The following ROBO2 variants were observed in gnomAD, a reference collection of about 807,000 sequenced individuals.
ROBO2 encodes the protein roundabout guidance receptor 2, also known as roundabout homolog 2.
ROBO2 carries 53 observed loss-of-function variants against 160.8 expected under a neutral mutation model. The ratio of observed to expected loss-of-function variants is 0.33; its 90% CI spans 0.26 to 0.41. The LOEUF (loss-of-function observed/expected upper bound fraction) is 0.41, where lower values mean the gene tolerates loss of function less well. Ranked by LOEUF, ROBO2 falls within the 10% of genes least tolerant of loss-of-function variation. The probability of loss-of-function intolerance (pLI) is 1.00; values close to 1 mark genes in which losing one functional copy is unlikely to be tolerated. For synonymous variants in ROBO2, 664 were observed against 611.7 expected (o/e 1.09, Z -1.26); for missense variants, 1,577 against 1,722.4 (o/e 0.92, Z 1.49).
intron 1 of ROBO2, among the ~76,000 whole-genome samples, chr3:75,921,652 T>A (rs1395362386): frequency 6.6e-6 from 1 of 152,150 alleles, no homozygotes; most frequent in Non-Finnish European, 1.5e-5. Context: ...TCTATGCAGA[T>A]GTGCATGTAC....
At chr3:77,049,165 C>CA (rs1297670848) in intron 1 of ROBO2, among the ~76,000 whole-genome samples, 2 of 151,820 alleles carry the variant, frequency 1.3e-5, no homozygotes, top group South Asian at 2.1e-4. Flanking sequence ...CCTGTCTCTA[C>CA]AAAAAAGAAA....
intron 12 of ROBO2, among the ~76,000 whole-genome samples, chr3:77,566,945 T>A (rs544798915): frequency 2.0e-5 from 3 of 152,044 alleles, no homozygotes; most frequent in Non-Finnish European, 4.4e-5. Context: ...TCTAGAAATC[T>A]TTTATTTCAT....
At chr3:76,083,310 A>G (rs2068898012) in intron 2 of ROBO2, among the ~76,000 whole-genome samples, 1 of 152,148 alleles carries the variant, frequency 6.6e-6, no homozygotes. Flanking sequence ...AAATACTGCA[A>G]AGTTTAGAGC....
In ROBO2 at chr3:76,483,622, CT is replaced by C. The variant is rs2079328677; in HGVS notation, c.109+546022del. ...CTCTAATTCATTCAGGAAAAGAACG[CT>C]TGTGTCACAGAGGTTTGTTATACAG... On this transcript the variant is annotated intron_variant, in intron 2 of 26. Coordinates refer to the ROBO2 transcript ENST00000487694. Among the ~76,000 whole-genome samples, 3 of 152,228 alleles carry C rather than the reference CT, an allele frequency of 2.0e-5. No individual in the cohort carries two copies. The South Asian group carries it at 6.2e-4, about 32-fold the overall frequency.
intron 2 of ROBO2, among the ~76,000 whole-genome samples, chr3:76,457,799 A>T (rs1449646751): frequency 6.6e-6 from 1 of 152,118 alleles, no homozygotes; most frequent in Non-Finnish European, 1.5e-5. Flanking sequence ...CTGAGGCTCA[A>T]CACCACATGG....
intron 2 of ROBO2, among the ~76,000 whole-genome samples, chr3:76,681,530 G>T (rs140176549): frequency 2.6e-5 from 4 of 152,020 alleles, no homozygotes; most frequent in Admixed American, 1.3e-4. Context: ...CCTATTTTGG[G>T]TGAGGTGATC....
At chr3:76,332,884 T>A (rs1224144585) in intron 2 of ROBO2, among the ~76,000 whole-genome samples, 1 of 152,208 alleles carries the variant, frequency 6.6e-6, no homozygotes, top group Non-Finnish European at 1.5e-5. Flanking sequence ...ATTGTGTGTG[T>A]TTTTTGTTAT....
chr3:77,522,844 G>T, exon 6 of ROBO2: 1 of 1,609,786 alleles, frequency 6.2e-7, no homozygotes. Context: ...GCACCTATAT[G>T]TGTATTGCTG....
intron 2 of ROBO2, among the ~76,000 whole-genome samples, chr3:76,529,770 G>A (rs906474402): frequency 2.6e-5 from 4 of 152,096 alleles, no homozygotes; most frequent in Admixed American, 6.6e-5. Flanking sequence ...AAATCCGTCC[G>A]TTCAAATCTT....
chr3:76,195,728 G>T (rs1702229864), intron 2 of ROBO2, among the ~76,000 whole-genome samples: 1 of 152,204 alleles, frequency 6.6e-6, no homozygotes, highest in Non-Finnish European at 1.5e-5. Context: ...ATAAGGATTT[G>T]AACTCAGATC....
At chr3:77,070,049 G>A (rs1309954994) in intron 1 of ROBO2, among the ~76,000 whole-genome samples, 2 of 152,102 alleles carry the variant, frequency 1.3e-5, no homozygotes, top group African/African-American at 4.8e-5. Flanking sequence ...GAGACACAAA[G>A]AGAATCCATA....
At chr3:76,593,784 A>G (rs867752204) in intron 2 of ROBO2, among the ~76,000 whole-genome samples, 2 of 152,100 alleles carry the variant, frequency 1.3e-5, no homozygotes, top group Middle Eastern at 3.4e-3. Flanking sequence ...TATTTATAGC[A>G]GCTTCATGTT....
chr3:76,484,432 G>C (rs796709792), intron 2 of ROBO2, among the ~76,000 whole-genome samples: 1 of 152,180 alleles, frequency 6.6e-6, no homozygotes, highest in Non-Finnish European at 1.5e-5. Context: ...GGGCAGGAAT[G>C]CTCATCCCTT....
At chr3:76,752,159 A>G (rs534709840) in intron 2 of ROBO2, among the ~76,000 whole-genome samples, 1 of 151,952 alleles carries the variant, frequency 6.6e-6, no homozygotes, top group East Asian at 1.9e-4. Context: ...GGATGAAGCC[A>G]GAAACCATCA....
chr3:77,626,041 A>G (rs1222663942), intron 23 of ROBO2, among the ~76,000 whole-genome samples: 1 of 152,194 alleles, frequency 6.6e-6, no homozygotes, highest in East Asian at 1.9e-4. Flanking sequence ...CTTACTCTAA[A>G]GACAAATTAT....
chr3:76,768,128 A>G (rs938981801), intron 2 of ROBO2, among the ~76,000 whole-genome samples: 2 of 151,472 alleles, frequency 1.3e-5, no homozygotes, highest in African/African-American at 2.4e-5. Flanking sequence ...ATAAAATAAC[A>G]TATTAATAAA....
At chr3:77,441,364 A>G (rs1560841267) in intron 2 of ROBO2, among the ~76,000 whole-genome samples, 1 of 151,850 alleles carries the variant, frequency 6.6e-6, no homozygotes, top group Non-Finnish European at 1.5e-5. Context: ...TAAGTGTGCA[A>G]CTGTATATAT....
intron 2 of ROBO2, among the ~76,000 whole-genome samples, chr3:76,864,325 A>G (rs2148636207): frequency 6.6e-6 from 1 of 152,204 alleles, no homozygotes; most frequent in East Asian, 1.9e-4. Flanking sequence ...AAGTAGATGG[A>G]ATAATTTCTC....
At chr3:77,474,015 C>A (rs1181174804) in intron 2 of ROBO2, among the ~76,000 whole-genome samples, 3 of 152,028 alleles carry the variant, frequency 2.0e-5, no homozygotes, top group Admixed American at 1.3e-4. Context: ...AAAGTCCGGA[C>A]CTACCAAAGA....
Sources: gnomAD v4.1 joint callset for allele counts (sites outside exome capture counted in the v4.1 genomes callset) on GRCh38, gnomAD v4.1.1 for gene constraint, MANE v1.5 for transcripts, NCBI Gene and HGNC (gene_info 2026-07-23, HGNC 2026-07-21) for gene names.